Variants in RYR1 observed in about 807,000 individuals in gnomAD.
RYR1 encodes ryanodine receptor 1, also known as central core disease of muscle.
RYR1 carries 342 observed loss-of-function variants against 583.5 expected under a neutral mutation model. The observed-to-expected ratio is 0.59, with a 90% CI of 0.54 to 0.64. The LOEUF (loss-of-function observed/expected upper bound fraction) is 0.64, where lower values mean the gene tolerates loss of function less well. Among genes scored for constraint, RYR1 ranks in the 30% least tolerant of loss-of-function variants. The pLI is 0.00. For synonymous variants in RYR1, 2,791 were observed against 2,822.5 expected (o/e 0.99, Z 0.35); for missense variants, 6,032 against 6,917.2 (o/e 0.87, Z 4.54).
intron 2 of RYR1, 96 bp downstream of exon 2, chr19:38,440,960 G>A: frequency 7.4e-7 from 1 of 1,355,320 alleles, no homozygotes; most frequent in Non-Finnish European, 1.0e-6. Flanking sequence ...TCTGAAAGGA[G>A]GTGCTGACAG....
At position 38,486,127 on chromosome 19, in the gene RYR1, GCACGCTCGCGA is replaced by G; in HGVS notation, c.5474_5484del (p.His1825ProfsTer29). The G allele has an allele frequency of 6.2e-7, 1 of 1,613,136 alleles. No homozygotes were observed. The highest frequency in any genetic ancestry group is 8.5e-7 in the Non-Finnish European group (1 of 1,179,844). On this transcript the variant is annotated frameshift_variant, in exon 34 of 106. Transcript: ENST00000359596. LOFTEE classifies it high-confidence loss of function. ...GGGAGGCGGTGCGCGACGGTGGGCA[GCACGCTCGCGA>G]CCCCGTCGGGGGCTCCGTGGAGTTC...
intron 97 of RYR1, 137 bp downstream of exon 97, chr19:38,576,098 TC>T: frequency 1.1e-6 from 1 of 911,088 alleles, no homozygotes; most frequent in Non-Finnish European, 1.8e-6. Context: ...CACCTCAGTT[TC>T]CCCATGGGGA....
At chr19:38,484,378 T>TCCTC (rs1969170919) in intron 33 of RYR1, among the ~76,000 whole-genome samples, 5 of 150,548 alleles carry the variant, frequency 3.3e-5, no homozygotes, top group Admixed American at 6.6e-5. Context: ...CTTCCTTCCT[T>TCCTC]CCTCCCTCCT....
Position 38,477,886 on chromosome 19 carries a change from G to A in RYR1, c.4454+16G>A. On this transcript the variant is annotated intron_variant, in intron 30 of 105. Coordinates refer to ENST00000359596, the MANE Select transcript of RYR1 (RefSeq NM_000540.3). ...TCCACAGCAGGTGCCGGGGCTGGGG[G>A]GAGGTGGGAGGTGCAGGGTGGGGAG... 3 of 1,576,878 alleles carry A rather than the reference G, an allele frequency of 1.9e-6. No homozygotes were observed. Among genetic ancestry groups the A allele is most frequent in the South Asian group, 1.1e-5 (1 of 90,202 alleles).
chr19:38,469,400 CT>C lies in RYR1; in HGVS notation c.3653del (p.Leu1218ProfsTer54). ...TCTGAGGTTCTTTGCCATCTGTGGC[CT>C]CCAGGAAGGCTTCGAGCCATTTGCC... The part of the protein sequence containing the change: ...SSLRFFAICG[L>X]QEGFEPFAIN... On this transcript the variant is annotated frameshift_variant, in exon 27 of 106. Transcript: ENST00000359596. LOFTEE classifies it high-confidence loss of function. The C allele has an allele frequency of 6.2e-7, 1 of 1,614,162 alleles. No individual in the cohort carries two copies. The highest frequency in any genetic ancestry group is 8.5e-7 in the Non-Finnish European group (1 of 1,180,036).
At chr19:38,442,235 G>T in intron 2 of RYR1, 114 bp from the exon 3 acceptor site, 1 of 752,816 alleles carries the variant, frequency 1.3e-6, no homozygotes, top group Non-Finnish European at 2.4e-6. Context: ...GTGGGGGTGG[G>T]GTCTGGCGTC....
chr19:38,575,537 G>A (rs1000217702), intron 96 of RYR1, among the ~76,000 whole-genome samples: 7 of 152,286 alleles, frequency 4.6e-5, no homozygotes, highest in East Asian at 1.9e-4. Context: ...GGTGGTGGGC[G>A]CCTGTAATCC....
At chr19:38,478,002 G>A (rs1049831738) in intron 30 of RYR1, 132 bp downstream of exon 30, 1 of 864,304 alleles carries the variant, frequency 1.2e-6, no homozygotes, top group South Asian at 1.6e-5. Context: ...ATTCTCTGGG[G>A]CACTGGGCAC....
rs138391613 is a variant in RYR1, at chr19:38,490,165, G to A, written c.5904G>A (p.Lys1968=). 2.5e-6 allele frequency: 4 copies of A among 1,614,246 alleles called. No homozygotes were observed. The highest frequency in any genetic ancestry group is 2.5e-6 in the Non-Finnish European group (3 of 1,180,040). The change falls in exon 36 of 106, where the codon AAG becomes AAA. Residue 1968 remains lysine (K), a synonymous_variant. Coordinates refer to ENST00000359596, the MANE Select transcript of RYR1 (RefSeq NM_000540.3). ...LAAFAERYVD[K]LQANQRSRYG... is the part of the protein sequence containing the mutation. ...CCTTTGCGGAGCGCTATGTGGACAA[G>A]CTCCAGGCCAACCAGCGGAGCCGCT...
chr19:38,524,186 CAAAA>C (rs56388141), intron 70 of RYR1, among the ~76,000 whole-genome samples: 1 of 84,132 alleles, frequency 1.2e-5, no homozygotes, highest in African/African-American at 4.5e-5. Flanking sequence ...CTTTTGTTCC[CAAAA>C]AAAAAAAAAA....
rs113183691 is a variant in RYR1 at position 38,564,511 on chromosome 19, T to G, written c.12625-448T>G. Among the ~76,000 whole-genome samples, 1,113 of 151,658 alleles carry G rather than the reference T, an allele frequency of 7.3e-3. 17 individuals carry two copies. The highest frequency in any genetic ancestry group is 0.025 in the African/African-American group (1,054 of 41,352). On this transcript the variant is annotated intron_variant, in intron 90 of 105. Coordinates refer to ENST00000359596, the MANE Select transcript of RYR1 (RefSeq NM_000540.3). ...TTCCAGCCTAGGAGACAGAGCTAGATCTTGTCTTTTTTTTTTTTTTTCTTG... is the reference window on the plus strand; with the variant it reads ...TTCCAGCCTAGGAGACAGAGCTAGAGCTTGTCTTTTTTTTTTTTTTTCTTG...
chr19:38,460,437 C>T lies in RYR1; in HGVS notation c.2423C>T (p.Ala808Val), dbSNP rs1187956516. The T allele has an allele frequency of 3.7e-6, 6 of 1,614,108 alleles. No homozygotes were observed. Among genetic ancestry groups the T allele is most frequent in the Non-Finnish European group, 5.1e-6 (6 of 1,180,050 alleles). ...EFKFLPPPGYAPCHEAVLPRE... is the reference protein window; with the variant it reads ...EFKFLPPPGYVPCHEAVLPRE... Reference sequence around the variant, plus strand: ...AAGTTCCTGCCCCCACCTGGCTATGCTCCATGCCATGAGGCTGTGCTCCCT... The same window carrying T: ...AAGTTCCTGCCCCCACCTGGCTATGTTCCATGCCATGAGGCTGTGCTCCCT... Residue 808 changes from alanine to valine, a missense_variant, in exon 20 of 106, where the codon GCT becomes GTT. Ala to Val is a moderately conservative substitution (Grantham distance 64, BLOSUM62 0). Coordinates refer to ENST00000359596, the MANE Select transcript of RYR1 (RefSeq NM_000540.3).
At chr19:38,574,259 GAAAAAAA>G in intron 96 of RYR1, among the ~76,000 whole-genome samples, 1 of 38,970 alleles carries the variant, frequency 2.6e-5, no homozygotes, top group East Asian at 6.1e-4. Context: ...GACTCCATCT[GAAAAAAA>G]AAAAAAAAAG....
Position 38,557,548 on chromosome 19 carries a change from C to G in RYR1, c.12283-3565C>G, listed in dbSNP as rs539153060. Among the ~76,000 whole-genome samples the G allele has an allele frequency of 3.9e-5, 6 of 152,224 alleles. No individual in the cohort carries two copies. The South Asian group carries it at 1.2e-3, about 32-fold the overall frequency. On this transcript the variant is annotated intron_variant, in intron 89 of 105. Coordinates refer to ENST00000359596, the MANE Select transcript of RYR1 (RefSeq NM_000540.3). ...CTCAGCGAGGCTGTGGTGTCCCAGG[C>G]AAAGGGGACAGTAAATGGAAAGGCT... is the stretch of plus-strand genomic sequence containing the variant.
intron 76 of RYR1, among the ~76,000 whole-genome samples, chr19:38,529,411 C>T (rs551043926): frequency 7.2e-5 from 11 of 152,082 alleles, no homozygotes; most frequent in African/African-American, 2.4e-4. Context: ...ACCTGGGAGG[C>T]GGAGGTTGCA....
intron 48 of RYR1, 64 bp downstream of exon 48, chr19:38,502,791 G>T: frequency 1.2e-6 from 1 of 831,888 alleles, no homozygotes; most frequent in Non-Finnish European, 1.7e-6. Flanking sequence ...AGGGGCAGGG[G>T]CAGGGGCAGG....
At chr19:38,467,970 T>TCATCCATC in intron 25 of RYR1, 158 bp downstream of exon 25, 1 of 675,760 alleles carries the variant, frequency 1.5e-6, no homozygotes, top group Non-Finnish European at 2.6e-6. Context: ...AACCAATGAT[T>TCATCCATC]CATCCATCCA....
At position 38,496,165 on chromosome 19, in the gene RYR1, C is replaced by T. The variant is rs749705899; in HGVS notation, c.6549-50C>T. The T allele has an allele frequency of 2.7e-6, 4 of 1,495,790 alleles. No individual in the cohort carries two copies. In the African/African-American group the frequency reaches 5.5e-5, roughly 21 times the overall value. The allele number at this position is 1,495,790 out of a possible 1,614,324, so 92.7% of individuals were successfully genotyped here. A position where few individuals can be genotyped will look rare whatever the true frequency, so the allele number is the denominator to read the frequency against. ...CGCTGTCACAGTGGTGGCTATGGCC[C>T]TCTCCGGACCTGGGCCCCTGGTGAC... On this transcript the variant is annotated intron_variant, in intron 39 of 105. Transcript: ENST00000359596. This position sits in a 1 kb window ranked among gnomAD's most constrained non-coding sequence, Gnocchi z 4.8.
chr19:38,557,304 C>T (rs1160638147), intron 89 of RYR1, among the ~76,000 whole-genome samples: 1 of 152,172 alleles, frequency 6.6e-6, no homozygotes, highest in Non-Finnish European at 1.5e-5. Context: ...CCTGAAGGTA[C>T]AGCAGTGAAC....
Sources: allele counts gnomAD v4.1 joint callset (sites outside exome capture counted in the v4.1 genomes callset), GRCh38; gene constraint gnomAD v4.1.1; non-coding constraint Gnocchi (gnomAD v3.1); transcripts MANE v1.5; gene names NCBI Gene and HGNC (gene_info 2026-07-23, HGNC 2026-07-21).